PPP1R36: variants seen among roughly 807,000 people sequenced by gnomAD.
The protein encoded by PPP1R36 is protein phosphatase 1 regulatory subunit 36.
PPP1R36 carries 47 observed loss-of-function variants against 53.4 expected under a neutral mutation model. That is an observed-to-expected ratio of 0.88 (90% confidence interval 0.70 to 1.12). PPP1R36 has a LOEUF of 1.12. PPP1R36 is among the 50% of genes most tolerant of loss of function. The pLI is 0.00. For synonymous variants in PPP1R36, 153 were observed against 170.5 expected, an observed-to-expected ratio of 0.90 and a Z score of 0.80; for missense variants, 456 against 513.9, an observed-to-expected ratio of 0.89 and a Z score of 1.09.
At chr14:64,574,957 C>T (rs925996233) in intron 8 of PPP1R36, among the ~76,000 whole-genome samples, 1 of 152,152 alleles carries the variant, frequency 6.6e-6, no homozygotes, top group African/African-American at 2.4e-5. Flanking sequence ...GTCTCCCTAT[C>T]CTTTTACTGC....
In PPP1R36 at chr14:64,550,852, G is replaced by T. The variant is rs569980164; in HGVS notation, c.70-69G>T. 1.3e-5 allele frequency: 15 copies of T among 1,157,286 alleles called. No homozygotes were observed. In the East Asian group the frequency reaches 3.5e-4, roughly 27 times the overall value. The allele number at this position is 1,157,286 out of a possible 1,614,324, so 71.7% of individuals were successfully genotyped here. On this transcript the variant is annotated intron_variant, in intron 1 of 11. Transcript: ENST00000298705. ...TAGTAAGTAGGAATTATTGTTAAAG[G>T]TTTATTGTGGCATATGGATTGTAAA...
chr14:64,577,676 T>C (rs1475743220), intron 8 of PPP1R36, among the ~76,000 whole-genome samples: 1 of 151,412 alleles, frequency 6.6e-6, no homozygotes, highest in African/African-American at 2.4e-5. Flanking sequence ...TCTGATAACA[T>C]ATCCAACATC....
At chr14:64,558,540 C>G (rs1220905698) in intron 3 of PPP1R36, among the ~76,000 whole-genome samples, 1 of 151,932 alleles carries the variant, frequency 6.6e-6, no homozygotes, top group East Asian at 1.9e-4. Context: ...GATCCTGCCA[C>G]TGCACTCCAG....
chr14:64,576,034 A>T (rs2080338868), intron 8 of PPP1R36, among the ~76,000 whole-genome samples: 1 of 150,624 alleles, frequency 6.6e-6, no homozygotes, highest in Admixed American at 6.6e-5. Context: ...TTGATAGTTT[A>T]AAGGTGTATA....
At chr14:64,577,354 C>T (rs1020253354) in intron 8 of PPP1R36, among the ~76,000 whole-genome samples, 6 of 152,218 alleles carry the variant, frequency 3.9e-5, no homozygotes, top group African/African-American at 1.4e-4. Flanking sequence ...CTCCCACAGG[C>T]TGCCTCCTGC....
intron 2 of PPP1R36, chr14:64,552,560 C>T (rs2080103519): frequency 6.2e-6 from 2 of 322,358 alleles, no homozygotes; most frequent in East Asian, 5.5e-5. Context: ...CACATTAATA[C>T]GTCTTGGGCT....
chr14:64,588,279 T>A lies in PPP1R36; in HGVS notation c.1066T>A (p.Ser356Thr). Residue 356 changes from serine (S) to threonine (T), a missense_variant, in exon 11 of 12, where the codon TCT (serine) becomes ACT (threonine). Ser to Thr is a moderately conservative substitution (Grantham distance 58). Transcript: ENST00000298705. Reference sequence around the variant, plus strand: ...GCAAAAGCATGTGGGAACTCTGGACTCTGTGCCCATGCCGGTGTAAGTGGC... The same window carrying A: ...GCAAAAGCATGTGGGAACTCTGGACACTGTGCCCATGCCGGTGTAAGTGGC... ...EMQKHVGTLD[S>T]VPMPVVGILG... is the part of the protein sequence containing the mutation. 5.0e-6 allele frequency: 8 copies of A among 1,609,878 alleles called. No individual in the cohort carries two copies. The East Asian group carries it at 1.8e-4, about 36-fold the overall frequency.
intron 3 of PPP1R36, among the ~76,000 whole-genome samples, chr14:64,560,162 C>A (rs969523162): frequency 6.8e-6 from 1 of 147,342 alleles, no homozygotes; most frequent in African/African-American, 2.5e-5. Flanking sequence ...GTGGCTGGGC[C>A]AGGCACAGTG....
intron 8 of PPP1R36, 106 bp from the exon 9 acceptor site, chr14:64,586,731 T>C (rs1260319638): frequency 4.2e-6 from 3 of 716,530 alleles, no homozygotes; most frequent in Non-Finnish European, 4.7e-6. Flanking sequence ...CTGAAAATAA[T>C]CTTGGGGCCA....
At chr14:64,561,448 AG>A (rs2080204859) in intron 3 of PPP1R36, among the ~76,000 whole-genome samples, 1 of 152,228 alleles carries the variant, frequency 6.6e-6, no homozygotes, top group African/African-American at 2.4e-5. Flanking sequence ...TGCCAGGGAA[AG>A]GGTGGCCATT....
chr14:64,564,415 TA>T (rs1460637392), intron 3 of PPP1R36, among the ~76,000 whole-genome samples: 6 of 152,234 alleles, frequency 3.9e-5, no homozygotes, highest in African/African-American at 1.2e-4. Flanking sequence ...AGATTGTGCC[TA>T]AAAGCACTTG....
chr14:64,550,426 C>T, intron 1 of PPP1R36: 1 of 458,934 alleles, frequency 2.2e-6, no homozygotes, highest in Non-Finnish European at 3.2e-6. Context: ...AAAGGGTGTA[C>T]TTAACTTTTT....
At chr14:64,552,606 T>TTGTA (rs1035192817) in intron 2 of PPP1R36, 13 of 488,580 alleles carry the variant, frequency 2.7e-5, no homozygotes, top group African/African-American at 2.5e-4. Context: ...AGGAAAGGAG[T>TTGTA]TGGCTAAGCA....
chr14:64,572,027 T>C (rs1055488836), intron 7 of PPP1R36, among the ~76,000 whole-genome samples: 4 of 152,158 alleles, frequency 2.6e-5, no homozygotes, highest in African/African-American at 9.7e-5. Context: ...GAGATTTGGG[T>C]GGGGACACAG....
intron 2 of PPP1R36, chr14:64,551,831 A>G (rs2080095756): frequency 3.0e-6 from 1 of 338,914 alleles, no homozygotes. Context: ...GGAGCCAGCT[A>G]CAGAACTTCT....
intron 2 of PPP1R36, chr14:64,552,610 C>G (rs2080104367): frequency 4.0e-6 from 2 of 501,510 alleles, no homozygotes; most frequent in Non-Finnish European, 7.3e-6. Flanking sequence ...AAGGAGTTGG[C>G]TAAGCAGACA....
At chr14:64,588,518 A>C in intron 11 of PPP1R36, 1 of 412,156 alleles carries the variant, frequency 2.4e-6, no homozygotes, top group Non-Finnish European at 4.2e-6. Context: ...GTGGTGCTAG[A>C]CTCCAAATAG....
chr14:64,580,139 A>G (rs1277328657), intron 8 of PPP1R36, among the ~76,000 whole-genome samples: 2 of 152,084 alleles, frequency 1.3e-5, no homozygotes, highest in Non-Finnish European at 2.9e-5. Context: ...CTCTCCAGAA[A>G]AAAATTAAAG....
At chr14:64,552,209 C>G (rs1216449133) in intron 2 of PPP1R36, among the ~76,000 whole-genome samples, 1 of 152,154 alleles carries the variant, frequency 6.6e-6, no homozygotes, top group East Asian at 1.9e-4. Flanking sequence ...AAACTGGTGG[C>G]TGGGTGTGGT....
Sources: allele counts gnomAD v4.1 joint callset (sites outside exome capture counted in the v4.1 genomes callset), GRCh38; gene constraint gnomAD v4.1.1; transcripts MANE v1.5; gene names NCBI Gene and HGNC (gene_info 2026-07-23, HGNC 2026-07-21).